The following BCAS3 variants were observed in gnomAD, a reference collection of about 807,000 sequenced individuals.
The protein encoded by BCAS3 is BCAS3 microtubule associated cell migration factor.
A neutral mutation model predicts 116.1 loss-of-function variants in BCAS3; 53 were observed. The ratio of observed to expected loss-of-function variants is 0.46; its 90% CI spans 0.37 to 0.57. The LOEUF is 0.57. BCAS3 is among the 20% of genes least tolerant of loss of function. The pLI is 0.00. For missense variants in BCAS3, 917 were observed against 1,165.4 expected, an observed-to-expected ratio of 0.79 and a Z score of 3.10; for synonymous variants, 391 against 408.2, an observed-to-expected ratio of 0.96 and a Z score of 0.51.
rs1444743565 is a variant in BCAS3, at chr17:61,356,770, T to C, written c.2426-11557T>C. On this transcript the variant is annotated intron_variant, in intron 22 of 23. Transcript: ENST00000407086. The surrounding 1 kb of genome is among the most constrained non-coding windows in gnomAD (Gnocchi z 5.4). ...GTATGAAATTTGTACAGAGGTGGAA[T>C]CGTTTCTGCCATTTTTCACACACAA... is the stretch of plus-strand genomic sequence containing the variant. 1 of 152,232 alleles carries C rather than the reference T, an allele frequency of 6.6e-6. No individual in the cohort carries two copies. The highest frequency in any genetic ancestry group is 2.4e-5 in the African/African-American group (1 of 41,460). The allele number at this position is 152,232 out of a possible 1,614,324, so 9.4% of individuals were successfully genotyped here.
At chr17:61,308,847 C>T (rs1486302725) in intron 22 of BCAS3, among the ~76,000 whole-genome samples, 1 of 152,148 alleles carries the variant, frequency 6.6e-6, no homozygotes, top group East Asian at 1.9e-4. Flanking sequence ...AAACATTCAC[C>T]TTCTTTATTA....
intron 22 of BCAS3, among the ~76,000 whole-genome samples, chr17:61,129,153 G>T (rs527431676): frequency 6.6e-6 from 1 of 152,326 alleles, no homozygotes; most frequent in South Asian, 2.1e-4. Context: ...CCACCTGAGG[G>T]TATGGAGTAA....
Position 61,124,071 on chromosome 17 carries a change from G to T in BCAS3, c.2425+39507G>T, listed in dbSNP as rs919700379. Among the ~76,000 whole-genome samples the T allele has an allele frequency of 1.2e-4, 18 of 151,810 alleles. No individual in the cohort carries two copies. The highest frequency in any genetic ancestry group is 3.9e-4 in the African/African-American group (16 of 41,476). On this transcript the variant is annotated intron_variant, in intron 22 of 23. Coordinates refer to ENST00000407086, the MANE Select transcript of BCAS3 (RefSeq NM_017679.5). This position sits in a 1 kb window ranked among gnomAD's most constrained non-coding sequence, Gnocchi z 4.6. Reference sequence around the variant, plus strand: ...TTATTTCAAACTTGTATCTAGGAGAGAGATATATATATATACATATATATG... The same window carrying T: ...TTATTTCAAACTTGTATCTAGGAGATAGATATATATATATACATATATATG...
Position 61,028,328 on chromosome 17 carries a change from G to A in BCAS3, c.1638-6338G>A, listed in dbSNP as rs1350851704. 6.6e-6 allele frequency among the ~76,000 whole-genome samples: 1 copy of A among 151,674 alleles called. No homozygotes were observed. Among genetic ancestry groups the A allele is most frequent in the African/African-American group, 2.4e-5 (1 of 41,390 alleles). On this transcript the variant is annotated intron_variant, in intron 16 of 23. Transcript: ENST00000407086. The surrounding 1 kb of genome is among the most constrained non-coding windows in gnomAD (Gnocchi z 4.3). ...GCAAAACTATTCTAAACAAATTCAG[G>A]ATATACAAGAATATAAATCTCATGA...
intron 12 of BCAS3, among the ~76,000 whole-genome samples, chr17:60,921,636 A>C (rs1308925265): frequency 6.6e-6 from 1 of 150,990 alleles, no homozygotes; most frequent in South Asian, 2.1e-4. Context: ...AAAAAAAAAA[A>C]CATTGACCAC....
chr17:60,745,983 G>T (rs1362542659), intron 5 of BCAS3, among the ~76,000 whole-genome samples: 2 of 152,002 alleles, frequency 1.3e-5, no homozygotes, highest in East Asian at 3.8e-4. Context: ...TAGTAATATT[G>T]TAAGATTTAT....
chr17:61,210,107 G>A (rs1736625705), intron 22 of BCAS3, among the ~76,000 whole-genome samples: 1 of 152,198 alleles, frequency 6.6e-6, no homozygotes, highest in Admixed American at 6.5e-5. Context: ...CCACATTTGG[G>A]AGTTGATTCC....
Position 61,362,548 on chromosome 17 carries a change from C to T in BCAS3, c.2426-5779C>T, listed in dbSNP as rs1434532212. ...CTGCAGTCACTAGGCTTCCTTGCCT[C>T]TTTAACAATGGTGTACAAAGGCAAA... On this transcript the variant is annotated intron_variant, in intron 22 of 23. Transcript: ENST00000407086. This position sits in a 1 kb window ranked among gnomAD's most constrained non-coding sequence, Gnocchi z 4.4. 6.6e-6 allele frequency among the ~76,000 whole-genome samples: 1 copy of T among 152,216 alleles called. No individual in the cohort carries two copies. Among genetic ancestry groups the T allele is most frequent in the South Asian group, 2.1e-4 (1 of 4,834 alleles).
At chr17:61,075,397 C>T (rs1296857077) in intron 20 of BCAS3, among the ~76,000 whole-genome samples, 2 of 152,180 alleles carry the variant, frequency 1.3e-5, no homozygotes, top group African/African-American at 4.8e-5. Context: ...TCACTGCAAC[C>T]TCCAATTCCT....
At position 60,993,899 on chromosome 17, in the gene BCAS3, G is replaced by C. The variant is rs2063686124; in HGVS notation, c.1486+3664G>C. Among the ~76,000 whole-genome samples the C allele has an allele frequency of 6.6e-6, 1 of 152,044 alleles. No individual in the cohort carries two copies. Among genetic ancestry groups the C allele is most frequent in the Non-Finnish European group, 1.5e-5 (1 of 67,984 alleles). ...ATTTGCCAATTTTTTTAACTTTCCA[G>C]AGGATGTTTATTTATTTGAAATATA... On this transcript the variant is annotated intron_variant, in intron 15 of 23. Transcript: ENST00000407086. The surrounding 1 kb of genome is among the most constrained non-coding windows in gnomAD (Gnocchi z 4.2).
In BCAS3 at chr17:61,034,775, C is replaced by T; in HGVS notation, c.1747C>T (p.Leu583=). ...GTCATGGTTTGCAAATAATGCAGGT[C>T]TGAAAAGAGAAAAAGGTATGTATTT... ...SRSWFANNAG[L]KREKDQSKQV... The change falls in exon 17 of 24, where the codon CTG becomes TTG. Residue 583 remains leucine (L), a synonymous_variant. Transcript: ENST00000407086. The surrounding 1 kb of genome is among the most constrained non-coding windows in gnomAD (Gnocchi z 5.0). 1 of 1,604,346 alleles carries T rather than the reference C, an allele frequency of 6.2e-7. No homozygotes were observed. Among genetic ancestry groups the T allele is most frequent in the Non-Finnish European group, 8.5e-7 (1 of 1,176,908 alleles).
chr17:61,018,930 C>T (rs984309866), intron 16 of BCAS3, among the ~76,000 whole-genome samples: 2 of 152,156 alleles, frequency 1.3e-5, no homozygotes, highest in African/African-American at 4.8e-5. Flanking sequence ...AATTACCCAA[C>T]CTACTGTTCC....
At chr17:60,958,932 C>A (rs1276563940) in intron 14 of BCAS3, among the ~76,000 whole-genome samples, 1 of 152,138 alleles carries the variant, frequency 6.6e-6, no homozygotes. Flanking sequence ...CAAATTAGAT[C>A]ATAGACTTAA....
At position 61,362,876 on chromosome 17, in the gene BCAS3, C is replaced by T. The variant is rs2058524412; in HGVS notation, c.2426-5451C>T. ...TTTTCTGCTCACTTATCTTCTTCTT[C>T]CTTCCTCTCTTTTAATTTTAACTCC... On this transcript the variant is annotated intron_variant, in intron 22 of 23. Coordinates refer to ENST00000407086, the MANE Select transcript of BCAS3 (RefSeq NM_017679.5). The surrounding 1 kb of genome is among the most constrained non-coding windows in gnomAD (Gnocchi z 4.4). The T allele has an allele frequency of 6.6e-6, 1 of 152,180 alleles. No homozygotes were observed. The highest frequency in any genetic ancestry group is 1.5e-5 in the Non-Finnish European group (1 of 68,022). 9.4% of individuals were successfully genotyped at this position (152,180 alleles called of 1,614,324 possible).
Position 60,855,225 on chromosome 17 carries a change from G to C in BCAS3, c.477-13351G>C, listed in dbSNP as rs1046357854. 5.2e-4 allele frequency among the ~76,000 whole-genome samples: 79 copies of C among 150,962 alleles called. 3 individuals carry two copies. The highest frequency in any genetic ancestry group is 2.8e-4 in the Non-Finnish European group (19 of 67,774). On this transcript the variant is annotated intron_variant, in intron 7 of 23. Transcript: ENST00000407086. ...GGCCTCCCAAAATGCTGGGATTTCA[G>C]GTGTGAGCCACCGTGCCCAGAGAGT...
chr17:61,246,695 A>G (rs1333603639), intron 22 of BCAS3, among the ~76,000 whole-genome samples: 5 of 151,980 alleles, frequency 3.3e-5, no homozygotes, highest in Non-Finnish European at 5.9e-5. Flanking sequence ...CCTTTTCTTT[A>G]TTAAAATGCA....
chr17:61,146,480 T>C (rs955569630), intron 22 of BCAS3, among the ~76,000 whole-genome samples: 1 of 152,136 alleles, frequency 6.6e-6, no homozygotes, highest in Non-Finnish European at 1.5e-5. Context: ...TTTGAAATAC[T>C]TACTGTTTAA....
At chr17:61,177,751 C>T (rs974023523) in intron 22 of BCAS3, among the ~76,000 whole-genome samples, 1 of 152,148 alleles carries the variant, frequency 6.6e-6, no homozygotes, top group African/African-American at 2.4e-5. Context: ...GAAGTTTATA[C>T]CCTCATTCTA....
Position 61,156,026 on chromosome 17 carries a change from A to T in BCAS3, c.2425+71462A>T, listed in dbSNP as rs137965904. On this transcript the variant is annotated intron_variant, in intron 22 of 23. Coordinates refer to ENST00000407086, the MANE Select transcript of BCAS3 (RefSeq NM_017679.5). The surrounding 1 kb of genome is among the most constrained non-coding windows in gnomAD (Gnocchi z 4.7). ...ACTTTTCATGGTATTGTTTAAAGTG[A>T]CTTAAATGACTTTTCCCAACAAGCT... Among the ~76,000 whole-genome samples the T allele has an allele frequency of 2.8e-4, 42 of 148,820 alleles. No homozygotes were observed. The highest frequency in any genetic ancestry group is 5.6e-4 in the Non-Finnish European group (38 of 67,970).
Sources: gnomAD v4.1 joint callset for allele counts (sites outside exome capture counted in the v4.1 genomes callset) on GRCh38, gnomAD v4.1.1 for gene constraint, Gnocchi (gnomAD v3.1) non-coding constraint, MANE v1.5 for transcripts, NCBI Gene and HGNC (gene_info 2026-07-23, HGNC 2026-07-21) for gene names.